EXT2: variants seen among roughly 807,000 people sequenced by gnomAD.
EXT2 encodes the protein exostosin glycosyltransferase 2.
Under a neutral mutation model 81.6 loss-of-function variants are expected in EXT2, and 53 were observed. The ratio of observed to expected loss-of-function variants is 0.65; its 90% CI spans 0.52 to 0.82. EXT2 has a LOEUF of 0.82. Among genes scored for constraint, EXT2 ranks in the 40% least tolerant of loss-of-function variants. The pLI is 0.00. For synonymous variants in EXT2, 320 were observed against 340.0 expected, an observed-to-expected ratio of 0.94 and a Z score of 0.65; for missense variants, 774 against 910.2, an observed-to-expected ratio of 0.85 and a Z score of 1.93.
intron 9 of EXT2, 146 bp downstream of exon 9, chr11:44,198,164 T>C: frequency 1.2e-6 from 1 of 857,944 alleles, no homozygotes; most frequent in Non-Finnish European, 1.9e-6. Context: ...AGTCATCTCA[T>C]TCTTGTTCTA....
chr11:44,204,563 G>T (rs1026067848), intron 9 of EXT2, among the ~76,000 whole-genome samples: 1 of 152,180 alleles, frequency 6.6e-6, no homozygotes, highest in Non-Finnish European at 1.5e-5. Context: ...CCATGAACCC[G>T]TAGCCATCTG....
chr11:44,216,070 G>A (rs967226500), intron 10 of EXT2, among the ~76,000 whole-genome samples: 5 of 152,022 alleles, frequency 3.3e-5, no homozygotes, highest in Admixed American at 1.3e-4. Flanking sequence ...TAGAGACGGG[G>A]TTTCACCTTG....
intron 10 of EXT2, among the ~76,000 whole-genome samples, chr11:44,216,118 C>T (rs1411728291): frequency 1.3e-5 from 2 of 152,064 alleles, no homozygotes; most frequent in Non-Finnish European, 2.9e-5. Context: ...CCTCATGATC[C>T]ACCCGCCTCG....
chr11:44,112,695 C>T (rs563566174), intron 3 of EXT2, among the ~76,000 whole-genome samples: 7 of 152,294 alleles, frequency 4.6e-5, no homozygotes. Flanking sequence ...CAGCGTAAGG[C>T]ATGCTTCTGA....
At chr11:44,233,122 T>A (rs1955918749) in intron 11 of EXT2, among the ~76,000 whole-genome samples, 1 of 152,164 alleles carries the variant, frequency 6.6e-6, no homozygotes, top group African/African-American at 2.4e-5. Context: ...TTTTTTAAGA[T>A]GTATGTACAT....
In EXT2 at chr11:44,245,545, A is replaced by C. The variant is rs1956086454; in HGVS notation, c.*1258A>C. ...TGGCTCTGATATTAAGATTAGCCACAGTTTGGGCTTTAGCCACAACATATG... is the reference window on the plus strand; with the variant it reads ...TGGCTCTGATATTAAGATTAGCCACCGTTTGGGCTTTAGCCACAACATATG... On this transcript the variant is annotated 3_prime_UTR_variant, in exon 14 of 14. Transcript: ENST00000533608. The C allele has an allele frequency of 5.7e-6, 1 of 176,042 alleles. No individual in the cohort carries two copies. Among genetic ancestry groups the C allele is most frequent in the African/African-American group, 2.4e-5 (1 of 42,228 alleles). 10.9% of individuals were successfully genotyped at this position (176,042 alleles called of 1,614,324 possible). A position where few individuals can be genotyped will look rare whatever the true frequency, so the allele number is the denominator to read the frequency against.
chr11:44,121,877 G>A (rs1018971694), intron 4 of EXT2, among the ~76,000 whole-genome samples: 2 of 151,942 alleles, frequency 1.3e-5, no homozygotes, highest in Non-Finnish European at 2.9e-5. Flanking sequence ...CACTTCTGGG[G>A]CTCTGATACC....
At chr11:44,170,344 A>G (rs1392407698) in intron 7 of EXT2, among the ~76,000 whole-genome samples, 1 of 152,202 alleles carries the variant, frequency 6.6e-6, no homozygotes, top group African/African-American at 2.4e-5. Flanking sequence ...GGAAATTTAT[A>G]ACTTTAAATG....
In EXT2 at chr11:44,248,736, C is replaced by A. The variant is rs1956115862; in HGVS notation, c.*4449C>A. On this transcript the variant is annotated 3_prime_UTR_variant, in exon 14 of 14. Coordinates refer to ENST00000533608, the MANE Select transcript of EXT2 (RefSeq NM_207122.2). Reference sequence around the variant, plus strand: ...CCATTAAATGGACTGTTAGGGATGCCCAGCTTCCCCAATTTCCTGGGAGGG... The same window carrying A: ...CCATTAAATGGACTGTTAGGGATGCACAGCTTCCCCAATTTCCTGGGAGGG... Among the ~76,000 whole-genome samples, 1 of 152,130 alleles carries A rather than the reference C, an allele frequency of 6.6e-6. No homozygotes were observed. The highest frequency in any genetic ancestry group is 1.5e-5 in the Non-Finnish European group (1 of 68,034).
intron 4 of EXT2, among the ~76,000 whole-genome samples, chr11:44,124,263 T>C (rs148558273): frequency 5.4e-4 from 83 of 152,298 alleles, no homozygotes; most frequent in African/African-American, 1.9e-3. Flanking sequence ...ACAGGGATGC[T>C]GTTAGACAGC....
intron 6 of EXT2, among the ~76,000 whole-genome samples, chr11:44,127,432 A>G (rs1954424621): frequency 6.6e-6 from 1 of 152,200 alleles, no homozygotes; most frequent in Non-Finnish European, 1.5e-5. Flanking sequence ...AAATTATCAT[A>G]GAAGCGTGGA....
chr11:44,119,145 T>TATATATATATAC (rs1954271889), intron 4 of EXT2, among the ~76,000 whole-genome samples: 7 of 47,608 alleles, frequency 1.5e-4, no homozygotes, highest in African/African-American at 3.2e-4. Context: ...TATATATATA[T>TATATATATATAC]ATATATATAT....
intron 8 of EXT2, among the ~76,000 whole-genome samples, chr11:44,196,808 G>T (rs962503661): frequency 6.6e-6 from 1 of 152,144 alleles, no homozygotes; most frequent in Non-Finnish European, 1.5e-5. Context: ...TGTTGTTTCT[G>T]TTACTTCTAA....
At chr11:44,207,437 G>A (rs760254609) in intron 10 of EXT2, among the ~76,000 whole-genome samples, 3 of 152,172 alleles carry the variant, frequency 2.0e-5, no homozygotes, top group East Asian at 1.9e-4. Flanking sequence ...CCCTATCACC[G>A]TTTATTCAAT....
intron 13 of EXT2, among the ~76,000 whole-genome samples, chr11:44,238,888 T>C (rs1956002360): frequency 6.6e-6 from 1 of 152,170 alleles, no homozygotes; most frequent in Non-Finnish European, 1.5e-5. Context: ...TCCAAAAGGC[T>C]TTGAATCCCC....
At chr11:44,188,414 T>C (rs1955346412) in intron 8 of EXT2, among the ~76,000 whole-genome samples, 1 of 152,154 alleles carries the variant, frequency 6.6e-6, no homozygotes, top group Admixed American at 6.6e-5. Flanking sequence ...CCTGTCTGTA[T>C]TGACCCTTGT....
chr11:44,219,880 T>C (rs1476378277), intron 10 of EXT2, among the ~76,000 whole-genome samples: 2 of 152,232 alleles, frequency 1.3e-5, no homozygotes, highest in African/African-American at 4.8e-5. Flanking sequence ...CCAATAAATA[T>C]ACTTATTGAA....
At chr11:44,203,662 A>G (rs909851472) in intron 9 of EXT2, among the ~76,000 whole-genome samples, 4 of 151,902 alleles carry the variant, frequency 2.6e-5, no homozygotes, top group African/African-American at 9.7e-5. Flanking sequence ...GTGTGCTAGA[A>G]CCTCCTGGGA....
chr11:44,103,362 A>T (rs868484094), intron 1 of EXT2, among the ~76,000 whole-genome samples: 18 of 152,306 alleles, frequency 1.2e-4, no homozygotes, highest in African/African-American at 4.3e-4. Flanking sequence ...ATCGGCTTCT[A>T]CATTCAGTCT....
Sources: gnomAD v4.1 joint callset for allele counts (sites outside exome capture counted in the v4.1 genomes callset) on GRCh38, gnomAD v4.1.1 for gene constraint, MANE v1.5 for transcripts, NCBI Gene and HGNC (gene_info 2026-07-23, HGNC 2026-07-21) for gene names.